Variants in AUNIP observed in about 807,000 individuals in gnomAD.
AUNIP encodes the protein aurora kinase A and ninein interacting protein, also known as aurora kinase A- and ninein-interacting protein.
AUNIP carries 16 observed loss-of-function variants against 12.2 expected under a neutral mutation model. That is an observed-to-expected ratio of 1.31 (90% CI 0.88 to 1.99). The LOEUF is 1.99. Among genes scored for constraint, AUNIP ranks in the 30% most tolerant of loss-of-function variants. The probability of loss-of-function intolerance (pLI) is 0.00; values close to 1 mark genes in which losing one functional copy is unlikely to be tolerated. For synonymous variants in AUNIP, 142 were observed against 154.8 expected (o/e 0.92, Z 0.61); for missense variants, 411 against 419.1 (o/e 0.98, Z 0.17).
At chr1:25,856,690 A>G (rs807071) in intron 1 of AUNIP, among the ~76,000 whole-genome samples, 1 of 152,124 alleles carries the variant, frequency 6.6e-6, no homozygotes, top group Non-Finnish European at 1.5e-5. Flanking sequence ...AACAACAACA[A>G]CAACAACAAC....
At chr1:25,842,181 G>A (rs139726919) in intron 1 of AUNIP, among the ~76,000 whole-genome samples, 139 of 152,328 alleles carry the variant, frequency 9.1e-4, no homozygotes, top group African/African-American at 3.0e-3. Context: ...AAAAGTTCTT[G>A]AAGGAAATTA....
At chr1:25,837,605 T>A (rs746380820) in intron 1 of AUNIP, 51 bp from the exon 2 acceptor site, 7 of 1,558,538 alleles carry the variant, frequency 4.5e-6, no homozygotes, top group Non-Finnish European at 4.4e-6. Flanking sequence ...TTAAAAGACA[T>A]ACAGTAGAGA....
chr1:25,844,992 A>G (rs1394699146), intron 1 of AUNIP, among the ~76,000 whole-genome samples: 1 of 152,222 alleles, frequency 6.6e-6, no homozygotes, highest in Non-Finnish European at 1.5e-5. Flanking sequence ...TGTTACCAAG[A>G]AAAGCTATCA....
At chr1:25,857,439 G>A (rs1295956945) in intron 1 of AUNIP, among the ~76,000 whole-genome samples, 2 of 151,068 alleles carry the variant, frequency 1.3e-5, no homozygotes, top group African/African-American at 4.8e-5. Context: ...AGGAGAGACG[G>A]GGTTTCACCA....
At chr1:25,837,297 TAA>T in intron 2 of AUNIP, 114 bp downstream of exon 2, 1 of 1,267,846 alleles carries the variant, frequency 7.9e-7, no homozygotes, top group Non-Finnish European at 1.1e-6. Context: ...TCTAACAGGC[TAA>T]GTTTAACACA....
At chr1:25,842,219 T>C (rs1295971397) in intron 1 of AUNIP, among the ~76,000 whole-genome samples, 3 of 152,160 alleles carry the variant, frequency 2.0e-5, no homozygotes, top group South Asian at 4.1e-4. Context: ...AAAACACAAA[T>C]AAGAAAGCAA....
intron 1 of AUNIP, among the ~76,000 whole-genome samples, chr1:25,848,694 A>AT (rs2124509110): frequency 6.6e-6 from 1 of 152,290 alleles, no homozygotes; most frequent in East Asian, 1.9e-4. Flanking sequence ...CATGACCTCT[A>AT]TAAGGGCTGA....
chr1:25,849,230 CTTTCT>C (rs2048408690), intron 1 of AUNIP, among the ~76,000 whole-genome samples: 1 of 152,178 alleles, frequency 6.6e-6, no homozygotes, highest in Non-Finnish European at 1.5e-5. Flanking sequence ...CACAAAGCGT[CTTTCT>C]TTTCATTTTA....
intron 1 of AUNIP, among the ~76,000 whole-genome samples, chr1:25,848,396 C>T (rs972944752): frequency 6.1e-5 from 9 of 148,442 alleles, no homozygotes; most frequent in Admixed American, 4.8e-4. Context: ...GCAGGAGAAT[C>T]GCTTGAACCC....
chr1:25,834,563 G>C lies in AUNIP; in HGVS notation c.*430C>G, dbSNP rs548673990. On this transcript the variant is annotated 3_prime_UTR_variant, in exon 3 of 3. Coordinates refer to ENST00000374298, the MANE Select transcript of AUNIP (RefSeq NM_024037.3). The stretch of plus-strand genomic sequence containing the variant: ...ATCCGGGAGACAGAGGGTGCAGTGA[G>C]CTGAGGTCGCACCACTGCACTCCAG... 234 of 886,722 alleles carry C rather than the reference G, an allele frequency of 2.6e-4. 2 individuals are homozygous for C. The highest frequency in any genetic ancestry group is 2.6e-3 in the African/African-American group (141 of 54,338). 54.9% of individuals were successfully genotyped at this position (886,722 alleles called of 1,614,324 possible).
chr1:25,839,982 A>G (rs56264305), intron 1 of AUNIP, among the ~76,000 whole-genome samples: 7,057 of 152,258 alleles, frequency 0.046, 542 homozygotes, highest in African/African-American at 0.16. Flanking sequence ...CTTTAAAGAC[A>G]ACAATATCCA....
Position 25,844,634 on chromosome 1 carries a change from C to G in AUNIP, c.79-7080G>C, listed in dbSNP as rs143730785. On this transcript the variant is annotated intron_variant, in intron 1 of 2. Coordinates refer to ENST00000374298, the MANE Select transcript of AUNIP (RefSeq NM_024037.3). ...TTTCATGATTCACTATGACCTTCAA[C>G]TCTAGTACATAATTTGATGTAACTT... Among the ~76,000 whole-genome samples, 172 of 151,542 alleles carry G rather than the reference C, an allele frequency of 1.1e-3. 1 individual carries two copies. The highest frequency in any genetic ancestry group is 3.7e-3 in the African/African-American group (154 of 41,268).
At position 25,843,185 on chromosome 1, in the gene AUNIP, A is replaced by AATATATATATAT. The variant is rs1342427424; in HGVS notation, c.79-5643_79-5632dup. Among the ~76,000 whole-genome samples, 467 of 124,938 alleles carry AATATATATATAT rather than the reference A, an allele frequency of 3.7e-3. 2 individuals are homozygous for AATATATATATAT. The highest frequency in any genetic ancestry group is 6.2e-3 in the Non-Finnish European group (369 of 60,000). 82.0% of individuals were successfully genotyped at this position (124,938 alleles called of 152,430 possible). ...GAGACCCCATCTCAAAAAAAAAAAA[A>AATATATATATAT]ATATATATATATATATATTTTACTG... On this transcript the variant is annotated intron_variant, in intron 1 of 2. Coordinates refer to ENST00000374298, the MANE Select transcript of AUNIP (RefSeq NM_024037.3).
intron 1 of AUNIP, among the ~76,000 whole-genome samples, chr1:25,850,512 A>T (rs555865495): frequency 6.6e-6 from 1 of 152,178 alleles, no homozygotes; most frequent in Non-Finnish European, 1.5e-5. Flanking sequence ...CTGTAGATCA[A>T]TTGGGGCATA....
intron 1 of AUNIP, 119 bp from the exon 2 acceptor site, chr1:25,837,673 T>C (rs1055317829): frequency 1.5e-5 from 15 of 982,468 alleles, no homozygotes; most frequent in East Asian, 2.6e-5. Flanking sequence ...ACTCCACTTA[T>C]AGCCTATTCT....
chr1:25,856,878 T>TGG (rs943371210), intron 1 of AUNIP, among the ~76,000 whole-genome samples: 4 of 151,192 alleles, frequency 2.6e-5, no homozygotes, highest in African/African-American at 4.9e-5. Context: ...GAAGCCACGG[T>TGG]GGGCAGATCA....
At chr1:25,843,127 T>C (rs1158216110) in intron 1 of AUNIP, among the ~76,000 whole-genome samples, 6 of 148,356 alleles carry the variant, frequency 4.0e-5, no homozygotes, top group Non-Finnish European at 8.9e-5. Context: ...TAGTGAGCCA[T>C]GATCATGCCA....
rs915963667 is a variant in AUNIP at position 25,835,080 on chromosome 1, C to A, written c.987G>T (p.Gln329His). ...TCAGATTTTGAGTTGGCCCATCCTC[C>A]TGGCACTGAGCCCAAGGACTGTTAG... ...PFPNSPWAQC[Q>H]EDGPTQNLKP... Residue 329 changes from glutamine to histidine, a missense_variant, in exon 3 of 3, where the codon CAG becomes CAT. Transcript: ENST00000374298. The A allele has an allele frequency of 1.9e-6, 3 of 1,614,102 alleles. No individual in the cohort carries two copies. In the African/African-American group the frequency reaches 4.0e-5, roughly 22 times the overall value.
chr1:25,852,389 T>C (rs1247806743), intron 1 of AUNIP, among the ~76,000 whole-genome samples: 3 of 152,108 alleles, frequency 2.0e-5, no homozygotes, highest in African/African-American at 7.2e-5. Context: ...CTGGTCACTA[T>C]GGGTTTAGAT....
Sources: gnomAD v4.1 joint callset for allele counts (sites outside exome capture counted in the v4.1 genomes callset) on GRCh38, gnomAD v4.1.1 for gene constraint, MANE v1.5 for transcripts, NCBI Gene and HGNC (gene_info 2026-07-23, HGNC 2026-07-21) for gene names.